NR3C2: variants seen among roughly 807,000 people sequenced by gnomAD.
The protein encoded by NR3C2 is mineralocorticoid receptor.
In NR3C2, 15 loss-of-function variants were observed where a neutral mutation model predicts 86.4. The ratio of observed to expected loss-of-function variants is 0.17; its 90% CI spans 0.12 to 0.27. The LOEUF is 0.27. Ranked by LOEUF, NR3C2 falls within the 10% of genes least tolerant of loss-of-function variation. The probability of loss-of-function intolerance (pLI) is 1.00; values close to 1 mark genes in which losing one functional copy is unlikely to be tolerated. For missense variants in NR3C2, 960 were observed against 1,195.6 expected, an observed-to-expected ratio of 0.80 and a Z score of 2.91; for synonymous variants, 458 against 450.5, an observed-to-expected ratio of 1.02 and a Z score of -0.21.
At chr4:148,397,388 G>A (rs1274841718) in intron 2 of NR3C2, among the ~76,000 whole-genome samples, 2 of 152,216 alleles carry the variant, frequency 1.3e-5, no homozygotes, top group Non-Finnish European at 1.5e-5. Flanking sequence ...CCAGAGTCCT[G>A]GGTTTTAATT....
chr4:148,444,185 G>T, upstream of NR3C2: 1 of 985,398 alleles, frequency 1.0e-6, no homozygotes, highest in Non-Finnish European at 1.2e-6. Flanking sequence ...CGGCGGCTCC[G>T]CAAGCGTTGC....
intron 4 of NR3C2, among the ~76,000 whole-genome samples, chr4:148,190,615 A>C (rs942440057): frequency 6.6e-6 from 1 of 152,178 alleles, no homozygotes; most frequent in Non-Finnish European, 1.5e-5. Flanking sequence ...TGACCTGTCT[A>C]GTGCTGTCAG....
chr4:148,374,517 T>C (rs1229046343), intron 2 of NR3C2, among the ~76,000 whole-genome samples: 2 of 152,102 alleles, frequency 1.3e-5, no homozygotes, highest in African/African-American at 4.8e-5. Flanking sequence ...CTTTATCCAG[T>C]ATACAGGTGA....
At chr4:148,096,723 A>T (rs1416700353) in intron 8 of NR3C2, among the ~76,000 whole-genome samples, 1 of 152,198 alleles carries the variant, frequency 6.6e-6, no homozygotes. Flanking sequence ...ATATTTTGTG[A>T]CATGTTCATA....
chr4:148,176,838 C>A (rs540880749), intron 4 of NR3C2, among the ~76,000 whole-genome samples: 1 of 152,228 alleles, frequency 6.6e-6, no homozygotes, highest in East Asian at 1.9e-4. Context: ...ACACTGTGAT[C>A]CCCCTATACA....
intron 4 of NR3C2, among the ~76,000 whole-genome samples, chr4:148,172,061 C>T (rs939340798): frequency 2.0e-5 from 3 of 152,050 alleles, no homozygotes; most frequent in African/African-American, 4.8e-5. Flanking sequence ...CTACTCGTGT[C>T]GGGTTTGCTT....
At chr4:148,311,856 T>A (rs1464806272) in intron 2 of NR3C2, among the ~76,000 whole-genome samples, 1 of 152,242 alleles carries the variant, frequency 6.6e-6, no homozygotes, top group African/African-American at 2.4e-5. Context: ...GACATTTGCA[T>A]CTGCTATTCA....
chr4:148,105,332 A>G (rs1395910611), intron 8 of NR3C2, among the ~76,000 whole-genome samples: 1 of 151,998 alleles, frequency 6.6e-6, no homozygotes. Context: ...TCAAGACTAT[A>G]TTGAATCCCT....
intron 3 of NR3C2, among the ~76,000 whole-genome samples, chr4:148,200,348 C>G (rs1485518486): frequency 6.6e-6 from 1 of 152,044 alleles, no homozygotes; most frequent in African/African-American, 2.4e-5. Context: ...GCCACATCCC[C>G]ACCCCCCACA....
intron 2 of NR3C2, among the ~76,000 whole-genome samples, chr4:148,354,329 G>A (rs986312563): frequency 4.0e-5 from 6 of 151,824 alleles, no homozygotes; most frequent in African/African-American, 1.5e-4. Context: ...TGAGCTAATT[G>A]ACTGTGTTAT....
chr4:148,126,386 CAAG>C (rs1164630053), intron 6 of NR3C2, among the ~76,000 whole-genome samples: 4 of 152,000 alleles, frequency 2.6e-5, no homozygotes, highest in Admixed American at 6.5e-5. Flanking sequence ...TGAAACAAAC[CAAG>C]AAGGAGTCAA....
chr4:148,398,279 G>C (rs568912072), intron 2 of NR3C2, among the ~76,000 whole-genome samples: 2 of 152,156 alleles, frequency 1.3e-5, no homozygotes, highest in Non-Finnish European at 2.9e-5. Flanking sequence ...TACAGGTGTT[G>C]CTCACAAAAG....
chr4:148,430,136 A>G (rs1167504058), intron 2 of NR3C2, among the ~76,000 whole-genome samples: 1 of 152,170 alleles, frequency 6.6e-6, no homozygotes, highest in Non-Finnish European at 1.5e-5. Context: ...TATCAAATCT[A>G]TAAGTAATAT....
At chr4:148,206,038 G>A (rs113928448) in intron 3 of NR3C2, among the ~76,000 whole-genome samples, 29 of 152,294 alleles carry the variant, frequency 1.9e-4, no homozygotes, top group African/African-American at 6.7e-4. Flanking sequence ...CAATGGTGAA[G>A]CCAGTCCAGG....
At chr4:148,363,532 G>T (rs1745957161) in intron 2 of NR3C2, among the ~76,000 whole-genome samples, 1 of 35,290 alleles carries the variant, frequency 2.8e-5, no homozygotes. Flanking sequence ...GAGACGGAGT[G>T]TCGCTCTTTG....
At chr4:148,396,273 CA>C (rs1274592313) in intron 2 of NR3C2, among the ~76,000 whole-genome samples, 2 of 152,096 alleles carry the variant, frequency 1.3e-5, no homozygotes, top group Admixed American at 6.6e-5. Flanking sequence ...CATATATAAA[CA>C]GACTAAAAAT....
chr4:148,112,652 G>A (rs1198302690), intron 8 of NR3C2, among the ~76,000 whole-genome samples: 2 of 152,114 alleles, frequency 1.3e-5, no homozygotes, highest in Non-Finnish European at 2.9e-5. Flanking sequence ...CACTGAGTTC[G>A]CCTTGTGGGA....
chr4:148,328,540 A>T (rs1489413678), intron 2 of NR3C2, among the ~76,000 whole-genome samples: 2 of 152,220 alleles, frequency 1.3e-5, no homozygotes, highest in African/African-American at 4.8e-5. Context: ...AAAAGGAATC[A>T]GAGGAGACCT....
intron 8 of NR3C2, among the ~76,000 whole-genome samples, chr4:148,099,808 G>T (rs933364462): frequency 2.6e-5 from 4 of 152,216 alleles, no homozygotes; most frequent in Non-Finnish European, 4.4e-5. Flanking sequence ...ATCAGGAAAA[G>T]ATTCCTGTGT....
Sources: allele counts gnomAD v4.1 joint callset (sites outside exome capture counted in the v4.1 genomes callset), GRCh38; gene constraint gnomAD v4.1.1; transcripts MANE v1.5; gene names NCBI Gene and HGNC (gene_info 2026-07-23, HGNC 2026-07-21).